Variants in ZNF644 observed in about 807,000 individuals in gnomAD.
ZNF644 encodes the protein zinc finger motif enhancer binding protein 2.
Under a neutral mutation model 108.0 loss-of-function variants are expected in ZNF644, and 20 were observed. That is an observed-to-expected ratio of 0.19 (90% CI 0.13 to 0.27). The LOEUF (loss-of-function observed/expected upper bound fraction) is 0.27, where lower values mean the gene tolerates loss of function less well. ZNF644 is among the 10% of genes least tolerant of loss of function. The pLI, the probability that ZNF644 is intolerant of heterozygous loss-of-function variation, is 1.00. For missense variants in ZNF644, 1,338 were observed against 1,548.9 expected (o/e 0.86, Z 2.29); for synonymous variants, 542 against 539.1 (o/e 1.01, Z -0.08).
chr1:91,009,660 G>T (rs571123818), intron 1 of ZNF644, among the ~76,000 whole-genome samples: 2 of 152,140 alleles, frequency 1.3e-5, no homozygotes, highest in South Asian at 4.1e-4. Flanking sequence ...TCAAAATTCA[G>T]CATACAAGTA....
chr1:90,976,141 GAGCTTTA>G (rs2101391308), intron 2 of ZNF644, among the ~76,000 whole-genome samples: 1 of 152,090 alleles, frequency 6.6e-6, no homozygotes, highest in Admixed American at 6.5e-5. Context: ...ACTAAAATAA[GAGCTTTA>G]GTTCATGCCC....
intron 4 of ZNF644, among the ~76,000 whole-genome samples, chr1:90,930,893 T>C (rs1311663594): frequency 6.6e-6 from 1 of 152,176 alleles, no homozygotes; most frequent in African/African-American, 2.4e-5. Context: ...CTCTACTCTG[T>C]ATTTCCCTTT....
intron 5 of ZNF644, 60 bp from the exon 6 acceptor site, chr1:90,917,050 C>T (rs1259339121): frequency 4.6e-5 from 70 of 1,535,610 alleles, no homozygotes; most frequent in Non-Finnish European, 6.1e-5. Flanking sequence ...AACTAATTCA[C>T]ACAAAATCCT....
chr1:90,979,499 G>C (rs1656340813), intron 2 of ZNF644, among the ~76,000 whole-genome samples: 1 of 151,892 alleles, frequency 6.6e-6, no homozygotes, highest in African/African-American at 2.4e-5. Flanking sequence ...AAAGTATATA[G>C]TTTATATATG....
chr1:90,958,260 ATAAATG>A (rs952211337), intron 2 of ZNF644, among the ~76,000 whole-genome samples: 1 of 150,296 alleles, frequency 6.7e-6, no homozygotes, highest in Non-Finnish European at 1.5e-5. Flanking sequence ...AAAAAAAAGA[ATAAATG>A]TAACCAAGAA....
At chr1:90,947,215 G>A (rs781426669) in intron 2 of ZNF644, among the ~76,000 whole-genome samples, 3 of 152,192 alleles carry the variant, frequency 2.0e-5, no homozygotes, top group Admixed American at 6.5e-5. Context: ...AGAGTACTAA[G>A]TCATAGTTAG....
At position 90,974,920 on chromosome 1, in the gene ZNF644, C is replaced by T. The variant is rs140308615; in HGVS notation, c.44+7390G>A. Among the ~76,000 whole-genome samples the T allele has an allele frequency of 2.6e-3, 399 of 152,322 alleles. 2 individuals carry two copies. Among genetic ancestry groups the T allele is most frequent in the African/African-American group, 8.9e-3 (371 of 41,572 alleles). On this transcript the variant is annotated intron_variant, in intron 2 of 5. Transcript: ENST00000337393. ...AGCCACTCCCCACATCCACACCCCACGGTGAGCTCTACATTCAAAACTTAC... is the reference window on the plus strand; with the variant it reads ...AGCCACTCCCCACATCCACACCCCATGGTGAGCTCTACATTCAAAACTTAC...
chr1:91,007,597 GTCC>G (rs1410253160), intron 1 of ZNF644, among the ~76,000 whole-genome samples: 1 of 151,890 alleles, frequency 6.6e-6, no homozygotes, highest in Non-Finnish European at 1.5e-5. Context: ...AACTCTTTTT[GTCC>G]TCCTCCGTGG....
intron 2 of ZNF644, among the ~76,000 whole-genome samples, chr1:90,954,246 C>T (rs1038205345): frequency 2.0e-5 from 3 of 152,260 alleles, no homozygotes; most frequent in Non-Finnish European, 4.4e-5. Context: ...GCTTTACTGA[C>T]GTAATATTCT....
chr1:90,918,640 A>G (rs1371014711), intron 4 of ZNF644, among the ~76,000 whole-genome samples: 1 of 152,120 alleles, frequency 6.6e-6, no homozygotes, highest in Non-Finnish European at 1.5e-5. Context: ...AAAACTTCGT[A>G]AGGGAATATG....
chr1:90,970,675 T>C (rs1655358335), intron 2 of ZNF644, among the ~76,000 whole-genome samples: 1 of 152,118 alleles, frequency 6.6e-6, no homozygotes, highest in Non-Finnish European at 1.5e-5. Context: ...AGTTCAGATA[T>C]CATATGATTA....
chr1:90,942,753 T>G (rs1453449857), intron 2 of ZNF644, among the ~76,000 whole-genome samples: 8 of 152,230 alleles, frequency 5.3e-5, no homozygotes, highest in Admixed American at 5.2e-4. Context: ...GTAATTTTCA[T>G]GTACAATTTA....
At position 90,939,367 on chromosome 1, in the gene ZNF644, G is replaced by C; in HGVS notation, c.1987C>G (p.Arg663Gly). Residue 663 changes from arginine (R) to glycine (G), a missense_variant, in exon 3 of 6, where the codon CGA (arginine) becomes GGA (glycine). By Grantham distance (125) the Arg-to-Gly change is moderately radical. This residue lies in a region of ZNF644 where 462 missense variants were observed against 472.6 expected (regional missense o/e 0.98). Coordinates refer to ENST00000337393, the MANE Select transcript of ZNF644 (RefSeq NM_201269.3). ...GATTGTGAGGTTGATCCAAATGTTC[G>C]CTTCACATCTTGTTTTAAAGCAGAG... ...KNSALKQDVKRTFGSTSQSSS... is the reference protein window; with the variant it reads ...KNSALKQDVKGTFGSTSQSSS... 3.1e-6 allele frequency: 5 copies of C among 1,613,920 alleles called. No individual in the cohort carries two copies. In the South Asian group the frequency reaches 3.3e-5, roughly 11 times the overall value.
intron 2 of ZNF644, among the ~76,000 whole-genome samples, chr1:90,953,690 G>C (rs1169251196): frequency 6.6e-6 from 1 of 152,126 alleles, no homozygotes; most frequent in East Asian, 1.9e-4. Context: ...TGAGGCGGAT[G>C]AATCACCTGA....
intron 4 of ZNF644, among the ~76,000 whole-genome samples, chr1:90,924,206 T>G (rs114491623): frequency 0.016 from 2,379 of 152,218 alleles, 59 homozygotes; most frequent in African/African-American, 0.052. Context: ...GTCAGCTGAG[T>G]TGATAGGATA....
chr1:91,020,247 A>G (rs1570603389), intron 1 of ZNF644, among the ~76,000 whole-genome samples: 1 of 152,300 alleles, frequency 6.6e-6, no homozygotes, highest in African/African-American at 2.4e-5. Context: ...ATATCTGAAA[A>G]GAACAAGGAA....
chr1:90,941,075 A>T lies in ZNF644; in HGVS notation c.279T>A (p.Ser93Arg), dbSNP rs769861078. Residue 93 changes from serine to arginine, a missense_variant, in exon 3 of 6, where the codon AGT becomes AGA. Transcript: ENST00000337393. ...SENALSGGQSSLFIHAGAPTV... is the reference protein window; with the variant it reads ...SENALSGGQSRLFIHAGAPTV... The stretch of plus-strand genomic sequence containing the variant: ...TAGGAGCACCAGCATGTATAAATAG[A>T]CTAGACTGGCCTCCACTTAAGGCGT... The T allele has an allele frequency of 6.2e-7, 1 of 1,614,122 alleles. No homozygotes were observed. The highest frequency in any genetic ancestry group is 1.7e-5 in the Admixed American group (1 of 60,022).
intron 4 of ZNF644, 72 bp downstream of exon 4, chr1:90,937,413 A>G: frequency 1.3e-6 from 2 of 1,599,436 alleles, no homozygotes; most frequent in Non-Finnish European, 1.7e-6. Flanking sequence ...TTTTCCACAT[A>G]GATTCCATTA....
chr1:90,957,149 C>A (rs1473902374), intron 2 of ZNF644, among the ~76,000 whole-genome samples: 2 of 151,992 alleles, frequency 1.3e-5, no homozygotes, highest in African/African-American at 4.8e-5. Context: ...AGAGAATGAA[C>A]TAATAATCAA....
Sources: allele counts gnomAD v4.1 joint callset (sites outside exome capture counted in the v4.1 genomes callset), GRCh38; gene constraint gnomAD v4.1.1; regional missense constraint gnomAD v4.1.1; transcripts MANE v1.5; gene names NCBI Gene and HGNC (gene_info 2026-07-23, HGNC 2026-07-21).